Variants in NDUFA5 observed in about 807,000 individuals in gnomAD.
The protein encoded by NDUFA5 is NADH dehydrogenase [ubiquinone] 1 alpha subcomplex subunit 5.
NDUFA5 carries 11 observed loss-of-function variants against 19.8 expected under a neutral mutation model. That is an observed-to-expected ratio of 0.56 (90% confidence interval 0.35 to 0.92). NDUFA5 has a LOEUF of 0.92. NDUFA5 is among the 40% of genes least tolerant of loss of function. The pLI, the probability that NDUFA5 is intolerant of heterozygous loss-of-function variation, is 0.01. For synonymous variants in NDUFA5, 47 were observed against 46.8 expected (o/e 1.00, Z -0.01); for missense variants, 109 against 134.2 (o/e 0.81, Z 0.93).
At chr7:123,577,130 T>C in the NDUFA5 span, among the ~76,000 whole-genome samples, 1 of 152,204 alleles carries the variant, frequency 6.6e-6, no homozygotes, top group African/African-American at 2.4e-5. Flanking sequence ...CTCTGTCTTT[T>C]TCATATTATT....
intron 4 of NDUFA5, 152 bp from the exon 5 acceptor site, chr7:123,542,372 A>T (rs1797972366): frequency 5.3e-6 from 3 of 566,888 alleles, no homozygotes. Flanking sequence ...TAATTAAATT[A>T]CCTTAATTCT....
chr7:123,597,651 G>C, the NDUFA5 span, among the ~76,000 whole-genome samples: 1 of 151,966 alleles, frequency 6.6e-6, no homozygotes, highest in Non-Finnish European at 1.5e-5. Flanking sequence ...GGCCAACATG[G>C]TGAAACCCCG....
At position 123,541,033 on chromosome 7, in the gene NDUFA5, A is replaced by T. The variant is rs1797929230; in HGVS notation, c.*1086T>A. On this transcript the variant is annotated 3_prime_UTR_variant, in exon 5 of 5. Coordinates refer to ENST00000355749, the MANE Select transcript of NDUFA5 (RefSeq NM_005000.5). ...TATTTAGGAATGACAGGGAGCTAGGAAGGCGAAAACACATGTAATTTTATT... is the reference window on the plus strand; with the variant it reads ...TATTTAGGAATGACAGGGAGCTAGGTAGGCGAAAACACATGTAATTTTATT... 1 of 152,108 alleles carries T rather than the reference A, an allele frequency of 6.6e-6. No homozygotes were observed. The highest frequency in any genetic ancestry group is 1.5e-5 in the Non-Finnish European group (1 of 68,022). The allele number at this position is 152,108 out of a possible 1,614,324, so 9.4% of individuals were successfully genotyped here.
In NDUFA5 at chr7:123,540,740, A is replaced by C. The variant is rs1416194090; in HGVS notation, c.*1379T>G. 6.6e-6 allele frequency: 1 copy of C among 152,176 alleles called. No individual in the cohort carries two copies. Among genetic ancestry groups the C allele is most frequent in the Non-Finnish European group, 1.5e-5 (1 of 68,058 alleles). The allele number at this position is 152,176 out of a possible 1,614,324, so 9.4% of individuals were successfully genotyped here. A position where few individuals can be genotyped will look rare whatever the true frequency, so the allele number is the denominator to read the frequency against. ...CCCCCTCTAACACTTCCCCACCAGA[A>C]GGAGCCTTCTTGCACTCTAACCTCT... On this transcript the variant is annotated 3_prime_UTR_variant, in exon 5 of 5. Transcript: ENST00000355749.
chr7:123,561,571 T>A (rs1798687868), upstream of NDUFA5, among the ~76,000 whole-genome samples: 1 of 151,596 alleles, frequency 6.6e-6, no homozygotes, highest in Non-Finnish European at 1.5e-5. Context: ...TAAACTCCTG[T>A]TAATATTGAT....
chr7:123,562,326 C>G (rs1798700087), upstream of NDUFA5, among the ~76,000 whole-genome samples: 1 of 152,102 alleles, frequency 6.6e-6, no homozygotes, highest in Non-Finnish European at 1.5e-5. Context: ...CTGCATAAGC[C>G]TGTAACAAGA....
the NDUFA5 span, among the ~76,000 whole-genome samples, chr7:123,584,188 T>C: frequency 6.6e-6 from 1 of 151,444 alleles, no homozygotes; most frequent in African/African-American, 2.4e-5. Context: ...GATAGGTATC[T>C]CAAATTTTAC....
At chr7:123,587,308 T>G in the NDUFA5 span, among the ~76,000 whole-genome samples, 2 of 151,688 alleles carry the variant, frequency 1.3e-5, no homozygotes, top group African/African-American at 4.8e-5. Flanking sequence ...TTGTAGCTAT[T>G]GTATATGGGA....
rs1253423286 is a variant in NDUFA5, at chr7:123,537,005, C to T, written c.*5114G>A. Reference sequence around the variant, plus strand: ...CATACACACAAATGTAGTTTGGTTACATAATAAATTTATATTCAAACTTAA... The same window carrying T: ...CATACACACAAATGTAGTTTGGTTATATAATAAATTTATATTCAAACTTAA... On this transcript the variant is annotated 3_prime_UTR_variant, in exon 5 of 5. Coordinates refer to ENST00000355749, the MANE Select transcript of NDUFA5 (RefSeq NM_005000.5). The T allele has an allele frequency of 1.3e-5, 2 of 152,182 alleles. No individual in the cohort carries two copies. Among genetic ancestry groups the T allele is most frequent in the African/African-American group, 4.8e-5 (2 of 41,450 alleles). 9.4% of individuals were successfully genotyped at this position (152,182 alleles called of 1,614,324 possible).
At chr7:123,554,194 T>C (rs1371048905) in intron 2 of NDUFA5, among the ~76,000 whole-genome samples, 1 of 152,200 alleles carries the variant, frequency 6.6e-6, no homozygotes, top group African/African-American at 2.4e-5. Context: ...AAAAACACTA[T>C]AAAATACCAT....
At position 123,557,392 on chromosome 7, in the gene NDUFA5, A is replaced by G; in HGVS notation, c.66+12T>C. 6.2e-7 allele frequency: 1 copy of G among 1,613,776 alleles called. No homozygotes were observed. On this transcript the variant is annotated intron_variant, in intron 2 of 4. Transcript: ENST00000355749. ...GGGAATTCAAGAACGAAGAAAGAAC[A>G]AAGGTACATACCTCGTGAGGAGTAT...
the NDUFA5 span, among the ~76,000 whole-genome samples, chr7:123,581,575 T>A: frequency 5.3e-5 from 8 of 152,114 alleles, no homozygotes; most frequent in South Asian, 1.5e-3. Context: ...TGCTACATAT[T>A]AGGTTTCTGA....
At chr7:123,600,827 C>A in the NDUFA5 span, among the ~76,000 whole-genome samples, 2 of 152,066 alleles carry the variant, frequency 1.3e-5, no homozygotes, top group Admixed American at 1.3e-4. Flanking sequence ...TATTTATATT[C>A]ATTAACACTG....
chr7:123,588,999 G>A, the NDUFA5 span, among the ~76,000 whole-genome samples: 1 of 151,586 alleles, frequency 6.6e-6, no homozygotes, highest in African/African-American at 2.4e-5. Context: ...ATCTATCCTG[G>A]AGAATATTCT....
In NDUFA5 at chr7:123,539,250, C is replaced by T. The variant is rs1324033107; in HGVS notation, c.*2869G>A. ...TGCCCAGGACAGTCATGGTGTACAT[C>T]TGTTATCCTTATGTAATTATTTTCA... On this transcript the variant is annotated 3_prime_UTR_variant, in exon 5 of 5. Coordinates refer to ENST00000355749, the MANE Select transcript of NDUFA5 (RefSeq NM_005000.5). The T allele has an allele frequency of 1.3e-5, 2 of 152,154 alleles. No individual in the cohort carries two copies. The highest frequency in any genetic ancestry group is 6.5e-5 in the Admixed American group (1 of 15,280). The allele number at this position is 152,154 out of a possible 1,614,324, so 9.4% of individuals were successfully genotyped here.
chr7:123,548,385 T>C (rs200175478), intron 3 of NDUFA5, among the ~76,000 whole-genome samples: 1 of 151,616 alleles, frequency 6.6e-6, no homozygotes, highest in Non-Finnish European at 1.5e-5. Context: ...TTATGGCTGG[T>C]GGAGACATAA....
At chr7:123,582,705 G>A in the NDUFA5 span, among the ~76,000 whole-genome samples, 6 of 151,654 alleles carry the variant, frequency 4.0e-5, no homozygotes, top group Non-Finnish European at 7.4e-5. Context: ...ACTTTATATC[G>A]TCTAAGGCAT....
At chr7:123,573,794 G>A in the NDUFA5 span, among the ~76,000 whole-genome samples, 1 of 151,876 alleles carries the variant, frequency 6.6e-6, no homozygotes, top group Non-Finnish European at 1.5e-5. Flanking sequence ...CAATAGCTTT[G>A]TAGCTTCAAT....
intron 2 of NDUFA5, chr7:123,555,800 C>G (rs1271582016): frequency 1.3e-5 from 2 of 152,090 alleles, no homozygotes; most frequent in African/African-American, 4.8e-5. Context: ...GAATAGTGAA[C>G]CAGAGGGTCA....
Sources: gnomAD v4.1 joint callset for allele counts (sites outside exome capture counted in the v4.1 genomes callset) on GRCh38, gnomAD v4.1.1 for gene constraint, MANE v1.5 for transcripts, NCBI Gene and HGNC (gene_info 2026-07-23, HGNC 2026-07-21) for gene names.